Variants in ADCY8 observed in about 807,000 individuals in gnomAD.
ADCY8 encodes adenylate cyclase type 8.
ADCY8 carries 51 observed loss-of-function variants against 119.7 expected under a neutral mutation model. The observed-to-expected ratio is 0.43, with a 90% CI of 0.34 to 0.54. The LOEUF is 0.54. Among genes scored for constraint, ADCY8 ranks in the 20% least tolerant of loss-of-function variants. The probability of loss-of-function intolerance (pLI) is 0.03; values close to 1 mark genes in which losing one functional copy is unlikely to be tolerated. For synonymous variants in ADCY8, 665 were observed against 651.0 expected, an observed-to-expected ratio of 1.02 and a Z score of -0.33; for missense variants, 1,383 against 1,598.8, an observed-to-expected ratio of 0.87 and a Z score of 2.30.
intron 5 of ADCY8, among the ~76,000 whole-genome samples, chr8:130,918,671 A>G (rs1212926581): frequency 6.6e-6 from 1 of 152,214 alleles, no homozygotes; most frequent in Non-Finnish European, 1.5e-5. Context: ...TTTCAACATT[A>G]TTTTAGAGAG....
At chr8:130,884,825 C>T (rs1309649928) in intron 7 of ADCY8, 64 bp from the exon 8 acceptor site, 3 of 1,498,858 alleles carry the variant, frequency 2.0e-6, no homozygotes, top group South Asian at 1.1e-5. Context: ...AACAGAAATG[C>T]AATGTTTTTA....
rs141734221 is a variant in ADCY8 at position 130,842,297 on chromosome 8, T to C, written c.2502+5127A>G. 1.1e-3 allele frequency among the ~76,000 whole-genome samples: 160 copies of C among 152,278 alleles called. 1 individual carries two copies. In the East Asian group the frequency reaches 0.029, roughly 28 times the overall value. Reference sequence around the variant, plus strand: ...TGTTTATATTGAGGTTTTGAACCTGTGGATGTATGGTTTTCAACAAATGTG... The same window carrying C: ...TGTTTATATTGAGGTTTTGAACCTGCGGATGTATGGTTTTCAACAAATGTG... On this transcript the variant is annotated intron_variant, in intron 11 of 17. Coordinates refer to ENST00000286355, the MANE Select transcript of ADCY8 (RefSeq NM_001115.3).
At position 131,040,653 on chromosome 8, in the gene ADCY8, C is replaced by T. The variant is rs1042604012; in HGVS notation, c.-320G>A. 7 of 248,556 alleles carry T rather than the reference C, an allele frequency of 2.8e-5. No homozygotes were observed. 15.4% of individuals were successfully genotyped at this position (248,556 alleles called of 1,614,324 possible). On this transcript the variant is annotated 5_prime_UTR_variant, in exon 1 of 18. Coordinates refer to ENST00000286355, the MANE Select transcript of ADCY8 (RefSeq NM_001115.3). The stretch of plus-strand genomic sequence containing the variant: ...GCGCTGTGAGCCACGCAGCCCCTTC[C>T]TGGGCTCAGGCTCCTTGGTTGATTC...
intron 15 of ADCY8, among the ~76,000 whole-genome samples, chr8:130,786,220 T>C (rs1815244609): frequency 6.6e-6 from 1 of 152,224 alleles, no homozygotes. Context: ...TTTTCCACTG[T>C]TGTGTTTACT....
intron 7 of ADCY8, among the ~76,000 whole-genome samples, chr8:130,890,543 G>GT (rs1162591988): frequency 6.6e-6 from 1 of 152,106 alleles, no homozygotes; most frequent in African/African-American, 2.4e-5. Context: ...CAAATGCCTA[G>GT]TTTTTCTCAG....
intron 2 of ADCY8, among the ~76,000 whole-genome samples, chr8:130,961,158 G>A (rs1375834049): frequency 6.6e-6 from 1 of 152,088 alleles, no homozygotes; most frequent in African/African-American, 2.4e-5. Flanking sequence ...CACCCAGGCT[G>A]GAATGCAGTG....
At chr8:130,874,780 A>T (rs550931072) in intron 8 of ADCY8, among the ~76,000 whole-genome samples, 58 of 152,000 alleles carry the variant, frequency 3.8e-4, no homozygotes, top group African/African-American at 1.4e-3. Context: ...CTTCCATACC[A>T]CCATTCTTCC....
intron 5 of ADCY8, among the ~76,000 whole-genome samples, chr8:130,915,010 T>C (rs1372947982): frequency 6.6e-6 from 1 of 152,204 alleles, no homozygotes; most frequent in East Asian, 1.9e-4. Flanking sequence ...TGAGTTGCCT[T>C]AGGACCTCCT....
At chr8:130,911,041 C>T (rs1192875127) in intron 5 of ADCY8, among the ~76,000 whole-genome samples, 4 of 152,054 alleles carry the variant, frequency 2.6e-5, no homozygotes, top group African/African-American at 9.7e-5. Context: ...GACAAGTGTT[C>T]CAAATTTGCT....
intron 7 of ADCY8, among the ~76,000 whole-genome samples, chr8:130,893,404 G>T (rs1819259590): frequency 1.3e-5 from 2 of 152,150 alleles, no homozygotes; most frequent in Admixed American, 1.3e-4. Context: ...TTGGTGGTTT[G>T]TTCATAGGGC....
chr8:130,888,286 ATATATG>A (rs1176320958), intron 7 of ADCY8, among the ~76,000 whole-genome samples: 16 of 151,970 alleles, frequency 1.1e-4, no homozygotes, highest in African/African-American at 3.9e-4. Flanking sequence ...TTTATATATA[ATATATG>A]TATATGTGTA....
intron 13 of ADCY8, 42 bp from the exon 14 acceptor site, chr8:130,814,269 C>T (rs754871214): frequency 1.9e-6 from 3 of 1,607,354 alleles, no homozygotes; most frequent in South Asian, 1.1e-5. Context: ...AGGTAAACTT[C>T]TGAGGTGTAG....
chr8:131,011,016 T>A (rs1823283833), intron 1 of ADCY8, among the ~76,000 whole-genome samples: 1 of 152,120 alleles, frequency 6.6e-6, no homozygotes, highest in Admixed American at 6.5e-5. Context: ...AGAATATGCA[T>A]CACAATCCAG....
intron 14 of ADCY8, among the ~76,000 whole-genome samples, chr8:130,802,053 T>C (rs6993816): frequency 0.18 from 26,821 of 152,016 alleles, 3,035 homozygotes; most frequent in African/African-American, 0.32. Context: ...ATTCCTGTGT[T>C]AAGGTTAGTT....
chr8:131,025,150 T>A (rs1341785239), intron 1 of ADCY8, among the ~76,000 whole-genome samples: 1 of 152,186 alleles, frequency 6.6e-6, no homozygotes, highest in East Asian at 1.9e-4. Flanking sequence ...TTTATTCAGG[T>A]GTTGTTTTCA....
intron 2 of ADCY8, among the ~76,000 whole-genome samples, chr8:130,988,400 C>T (rs1822470143): frequency 6.6e-6 from 1 of 152,182 alleles, no homozygotes; most frequent in East Asian, 1.9e-4. Flanking sequence ...ATCCTAGGAA[C>T]AAAGAACCTT....
intron 7 of ADCY8, among the ~76,000 whole-genome samples, chr8:130,894,219 C>A (rs1819305666): frequency 6.6e-6 from 1 of 152,170 alleles, no homozygotes; most frequent in Non-Finnish European, 1.5e-5. Context: ...CAGGGCAAAA[C>A]TGGGAAAAGA....
intron 2 of ADCY8, among the ~76,000 whole-genome samples, chr8:130,979,077 A>C (rs928478524): frequency 1.3e-4 from 20 of 152,212 alleles, no homozygotes; most frequent in Non-Finnish European, 2.9e-4. Flanking sequence ...GATTATTAGC[A>C]GTTTTCTCAT....
intron 2 of ADCY8, among the ~76,000 whole-genome samples, chr8:130,976,268 G>C (rs991829228): frequency 6.6e-6 from 1 of 152,190 alleles, no homozygotes; most frequent in Non-Finnish European, 1.5e-5. Context: ...GAAGGCCTTA[G>C]AAGGGGCTTG....
Sources: allele counts gnomAD v4.1 joint callset (sites outside exome capture counted in the v4.1 genomes callset), GRCh38; gene constraint gnomAD v4.1.1; transcripts MANE v1.5; gene names NCBI Gene and HGNC (gene_info 2026-07-23, HGNC 2026-07-21).